The following FBXO48 variants were observed in gnomAD, a reference collection of about 807,000 sequenced individuals.
FBXO48 encodes the protein F-box protein 48, also known as F-box only protein 48.
FBXO48 carries 12 observed loss-of-function variants against 14.3 expected under a neutral mutation model. The ratio of observed to expected loss-of-function variants is 0.84; its 90% CI spans 0.54 to 1.36. The LOEUF is 1.36. FBXO48 is among the 40% of genes most tolerant of loss of function. The pLI is 0.00. For synonymous variants in FBXO48, 53 were observed against 61.7 expected (o/e 0.86, Z 0.66); for missense variants, 177 against 179.1 (o/e 0.99, Z 0.07).
rs964069392 is a variant in FBXO48, at chr2:68,460,820, T to C, written c.*3389A>G. ...AGGAAACTGAGAAGACGGGTTAGAG[T>C]AGGGAAAGAAAAGTCCAAGAGACTA... On this transcript the variant is annotated 3_prime_UTR_variant, in exon 4 of 4. Coordinates refer to ENST00000377957, the MANE Select transcript of FBXO48 (RefSeq NM_001024680.3). 8 of 151,922 alleles carry C rather than the reference T, an allele frequency of 5.3e-5. No homozygotes were observed. The highest frequency in any genetic ancestry group is 9.7e-5 in the African/African-American group (4 of 41,314). The allele number at this position is 151,922 out of a possible 1,614,324, so 9.4% of individuals were successfully genotyped here.
Position 68,461,515 on chromosome 2 carries a change from C to T in FBXO48, c.*2694G>A, listed in dbSNP as rs1262449049. 6.7e-6 allele frequency: 1 copy of T among 149,114 alleles called. No individual in the cohort carries two copies. The highest frequency in any genetic ancestry group is 6.6e-5 in the Admixed American group (1 of 15,108). 9.2% of individuals were successfully genotyped at this position (149,114 alleles called of 1,614,324 possible). A position where few individuals can be genotyped will look rare whatever the true frequency, so the allele number is the denominator to read the frequency against. ...GTTTCACCTTGTTAGCCAGGATGGT[C>T]TCGATCTCCTGACCTCATGATCCAC... On this transcript the variant is annotated 3_prime_UTR_variant, in exon 4 of 4. Coordinates refer to ENST00000377957, the MANE Select transcript of FBXO48 (RefSeq NM_001024680.3).
At chr2:68,464,589 C>T (rs1675350205) in intron 3 of FBXO48, among the ~76,000 whole-genome samples, 1 of 152,064 alleles carries the variant, frequency 6.6e-6, no homozygotes, top group South Asian at 2.1e-4. Context: ...AGCTAATTCC[C>T]TTCTGGTTAA....
intron 2 of FBXO48, 48 bp from the exon 3 acceptor site, chr2:68,465,226 A>C: frequency 2.1e-6 from 2 of 933,546 alleles, no homozygotes; most frequent in Non-Finnish European, 3.2e-6. Flanking sequence ...AGGAGTATAA[A>C]TCCTACTTTA....
At chr2:68,466,034 A>C (rs937657459) in intron 2 of FBXO48, 110 bp downstream of exon 2, 18 of 152,362 alleles carry the variant, frequency 1.2e-4, no homozygotes, top group African/African-American at 4.3e-4. Context: ...TAGTCACTGA[A>C]GACATCAAGC....
chr2:68,464,253 C>A lies in FBXO48; in HGVS notation c.424G>T (p.Ala142Ser). The change falls in exon 4 of 4, where the codon GCA (alanine) becomes TCA (serine). Residue 142 changes from alanine to serine, a missense_variant. Physicochemically the swap from Ala to Ser is moderately conservative, Grantham distance 99 (BLOSUM62 1). Transcript: ENST00000377957. ...TCTAGAATTTCCCCCCATGTATCTG[C>A]ATCCATTGGGTACATGATTTTTTCT... is the stretch of plus-strand genomic sequence containing the variant. Reference protein sequence around the residue: ...LPEKIMYPMDADTWGEILEAE... With the variant: ...LPEKIMYPMDSDTWGEILEAE... 2 of 1,613,680 alleles carry A rather than the reference C, an allele frequency of 1.2e-6. No homozygotes were observed. Among genetic ancestry groups the A allele is most frequent in the Non-Finnish European group, 1.7e-6 (2 of 1,179,812 alleles).
At position 68,464,291 on chromosome 2, in the gene FBXO48, G is replaced by C. The variant is rs1573125783; in HGVS notation, c.386C>G (p.Pro129Arg). 1.2e-6 allele frequency: 2 copies of C among 1,613,664 alleles called. No individual in the cohort carries two copies. The change falls in exon 4 of 4, where the codon CCC becomes CGC. Residue 129 changes from proline to arginine, a missense_variant. Coordinates refer to ENST00000377957, the MANE Select transcript of FBXO48 (RefSeq NM_001024680.3). Reference sequence around the variant, plus strand: ...CATGATTTTTTCTGGTAGGCTAATGGGAGAACAAATGTTGCTGTATCTGCC... The same window carrying C: ...CATGATTTTTTCTGGTAGGCTAATGCGAGAACAAATGTTGCTGTATCTGCC... The part of the protein sequence containing the change: ...LSGRYSNICS[P>R]ISLPEKIMYP...
chr2:68,464,775 A>G (rs1184848124), intron 3 of FBXO48, 65 bp downstream of exon 3: 1 of 1,216,422 alleles, frequency 8.2e-7, no homozygotes, highest in Non-Finnish European at 1.2e-6. Context: ...CAGAAGTTAG[A>G]ATTGGCGCAA....
At position 68,464,173 on chromosome 2, in the gene FBXO48, C is replaced by T; in HGVS notation, c.*36G>A. ...ACCTAAGAGTCATTTAAGTTTTAAA[C>T]TTTCAAAGACCTGAGATTTGTGATT... is the stretch of plus-strand genomic sequence containing the variant. On this transcript the variant is annotated 3_prime_UTR_variant, in exon 4 of 4. Coordinates refer to ENST00000377957, the MANE Select transcript of FBXO48 (RefSeq NM_001024680.3). The T allele has an allele frequency of 6.3e-7, 1 of 1,596,468 alleles. No individual in the cohort carries two copies. Among genetic ancestry groups the T allele is most frequent in the Non-Finnish European group, 8.6e-7 (1 of 1,167,276 alleles).
At position 68,459,504 on chromosome 2, in the gene FBXO48, T is replaced by C. The variant is rs528748488; in HGVS notation, c.*4705A>G. ...ATTTTCCTATTTCCCTCTTACAGGTTTGGAGAAGACTGGAACAATTATTCA... is the reference window on the plus strand; with the variant it reads ...ATTTTCCTATTTCCCTCTTACAGGTCTGGAGAAGACTGGAACAATTATTCA... On this transcript the variant is annotated 3_prime_UTR_variant, in exon 4 of 4. Coordinates refer to ENST00000377957, the MANE Select transcript of FBXO48 (RefSeq NM_001024680.3). 5 of 152,312 alleles carry C rather than the reference T, an allele frequency of 3.3e-5. No homozygotes were observed. The East Asian group carries it at 9.6e-4, about 29-fold the overall frequency. 9.4% of individuals were successfully genotyped at this position (152,312 alleles called of 1,614,324 possible).
chr2:68,464,735 T>G (rs1269018980), intron 3 of FBXO48, 105 bp downstream of exon 3: 1 of 808,774 alleles, frequency 1.2e-6, no homozygotes, highest in African/African-American at 1.7e-5. Context: ...GTCTGTGTTA[T>G]TCTGCATATG....
chr2:68,461,978 T>C lies in FBXO48; in HGVS notation c.*2231A>G, dbSNP rs1378719253. 1 of 151,786 alleles carries C rather than the reference T, an allele frequency of 6.6e-6. No individual in the cohort carries two copies. Among genetic ancestry groups the C allele is most frequent in the Non-Finnish European group, 1.5e-5 (1 of 68,026 alleles). The allele number at this position is 151,786 out of a possible 1,614,324, so 9.4% of individuals were successfully genotyped here. On this transcript the variant is annotated 3_prime_UTR_variant, in exon 4 of 4. Transcript: ENST00000377957. ...TGAACCTGGGAGGTGGAGGTTGCAGTGGGCCAAGATCATGCCACTGCACTC... is the reference window on the plus strand; with the variant it reads ...TGAACCTGGGAGGTGGAGGTTGCAGCGGGCCAAGATCATGCCACTGCACTC...
At chr2:68,464,679 A>G (rs1675353177) in intron 3 of FBXO48, among the ~76,000 whole-genome samples, 161 bp downstream of exon 3, 1 of 152,164 alleles carries the variant, frequency 6.6e-6, no homozygotes, top group African/African-American at 2.4e-5. Flanking sequence ...TGTGGTTAGC[A>G]GGAAAAGACT....
rs1675249685 is a variant in FBXO48 at position 68,461,075 on chromosome 2, A to C, written c.*3134T>G. On this transcript the variant is annotated 3_prime_UTR_variant, in exon 4 of 4. Coordinates refer to ENST00000377957, the MANE Select transcript of FBXO48 (RefSeq NM_001024680.3). ...GAGTGAAATCTAAGATGTTAATGTA[A>C]GCCACAAATAATACATATTTGAAAA... 6.6e-6 allele frequency: 1 copy of C among 152,202 alleles called. No homozygotes were observed. The highest frequency in any genetic ancestry group is 2.4e-5 in the African/African-American group (1 of 41,460). The allele number at this position is 152,202 out of a possible 1,614,324, so 9.4% of individuals were successfully genotyped here.
Position 68,465,093 on chromosome 2 carries a change from G to T in FBXO48, c.53C>A (p.Ala18Glu). ...TTCCTTCTCAGCATCCACAGAGTTC[G>T]CTTCTGTGTGAGAAACTCTTAAATT... ...NNNLRVSHTEANSVDAEKEKN... is the reference protein window; with the variant it reads ...NNNLRVSHTEENSVDAEKEKN... The change falls in exon 3 of 4, where the codon GCG becomes GAG. Residue 18 changes from alanine to glutamate, a missense_variant. Coordinates refer to ENST00000377957, the MANE Select transcript of FBXO48 (RefSeq NM_001024680.3). The T allele has an allele frequency of 6.2e-7, 1 of 1,612,296 alleles. No homozygotes were observed. The highest frequency in any genetic ancestry group is 8.5e-7 in the Non-Finnish European group (1 of 1,178,900).
Position 68,464,998 on chromosome 2 carries a change from G to A in FBXO48, c.148C>T (p.Leu50=), listed in dbSNP as rs779467249. The part of the protein sequence containing the change: ...AEITFKIFSQ[L]DIRSLCRASL... ...GCCCTGCACAGACTCCGAATGTCCA[G>A]CTGACTGAAAATTTTAAAAGTGATT... Residue 50 remains leucine, a synonymous_variant, in exon 3 of 4, where the codon CTG becomes TTG. Transcript: ENST00000377957. 2.5e-6 allele frequency: 4 copies of A among 1,613,910 alleles called. No individual in the cohort carries two copies. The highest frequency in any genetic ancestry group is 3.4e-6 in the Non-Finnish European group (4 of 1,180,034).
Position 68,464,182 on chromosome 2 carries a change from A to G in FBXO48, c.*27T>C, listed in dbSNP as rs776703384. 1 of 1,606,042 alleles carries G rather than the reference A, an allele frequency of 6.2e-7. No homozygotes were observed. The highest frequency in any genetic ancestry group is 1.7e-5 in the Admixed American group (1 of 59,786). On this transcript the variant is annotated 3_prime_UTR_variant, in exon 4 of 4. Transcript: ENST00000377957. ...TCATTTAAGTTTTAAACTTTCAAAG[A>G]CCTGAGATTTGTGATTTTTTTTCCC...
rs1381772184 is a variant in FBXO48, at chr2:68,461,472, A to G, written c.*2737T>C. On this transcript the variant is annotated 3_prime_UTR_variant, in exon 4 of 4. Transcript: ENST00000377957. ...CCACCGCGCCCGGCTAATTTTTTGT[A>G]TTTTTAGTAGAGACGGGGTTTCACC... 6.9e-6 allele frequency: 1 copy of G among 145,102 alleles called. No homozygotes were observed. The highest frequency in any genetic ancestry group is 1.5e-5 in the Non-Finnish European group (1 of 66,490). 9.0% of individuals were successfully genotyped at this position (145,102 alleles called of 1,614,324 possible). A position where few individuals can be genotyped will look rare whatever the true frequency, so the allele number is the denominator to read the frequency against.
chr2:68,464,408 A>C (rs1432603509), intron 3 of FBXO48, 38 bp from the exon 4 acceptor site: 1 of 1,598,182 alleles, frequency 6.3e-7, no homozygotes, highest in Non-Finnish European at 8.6e-7. Flanking sequence ...AGACTGTAGT[A>C]GGTGGTTGGT....
Position 68,464,901 on chromosome 2 carries a change from G to A in FBXO48, c.245C>T (p.Thr82Ile). ...SDSLWKPHCMTVRAVCRREID... is the reference protein window; with the variant it reads ...SDSLWKPHCMIVRAVCRREID... The stretch of plus-strand genomic sequence containing the variant: ...TTCTCTTCGGCACACAGCTCTTACA[G>A]TCATGCAGTGAGGTTTCCATAAAGA... The change falls in exon 3 of 4, where the codon ACT becomes ATT. Residue 82 changes from threonine (T) to isoleucine (I), a missense_variant. Transcript: ENST00000377957. 6.2e-7 allele frequency: 1 copy of A among 1,613,780 alleles called. No homozygotes were observed.
Sources: allele counts gnomAD v4.1 joint callset (sites outside exome capture counted in the v4.1 genomes callset), GRCh38; gene constraint gnomAD v4.1.1; transcripts MANE v1.5; gene names NCBI Gene and HGNC (gene_info 2026-07-23, HGNC 2026-07-21).